Variants in PRR16 observed in about 807,000 individuals in gnomAD.
PRR16 encodes the protein proline rich 16.
Under a neutral mutation model 18.2 loss-of-function variants are expected in PRR16, and 6 were observed. The ratio of observed to expected loss-of-function variants is 0.33; its 90% CI spans 0.18 to 0.65. The LOEUF (loss-of-function observed/expected upper bound fraction) is 0.65. Among genes scored for constraint, PRR16 ranks in the 30% least tolerant of loss-of-function variants. The pLI is 0.74. For missense variants in PRR16, 412 were observed against 376.6 expected (o/e 1.09, Z -0.78); for synonymous variants, 151 against 147.8 (o/e 1.02, Z -0.16).
chr5:120,610,571 A>G (rs1260319961), intron 1 of PRR16, among the ~76,000 whole-genome samples: 1 of 151,990 alleles, frequency 6.6e-6, no homozygotes, highest in Non-Finnish European at 1.5e-5. Flanking sequence ...CTCTCACGAT[A>G]GTGAATAAGA....
At chr5:120,560,052 T>C (rs1183017750) in intron 1 of PRR16, among the ~76,000 whole-genome samples, 2 of 152,006 alleles carry the variant, frequency 1.3e-5, no homozygotes, top group Non-Finnish European at 2.9e-5. Flanking sequence ...CTTTAGGTTT[T>C]TCTAAATATA....
intron 1 of PRR16, among the ~76,000 whole-genome samples, chr5:120,685,025 G>T (rs1757078322): frequency 6.6e-6 from 1 of 152,082 alleles, no homozygotes; most frequent in Admixed American, 6.6e-5. Flanking sequence ...AGGGTCCTGG[G>T]CCCAGATAAT....
chr5:120,524,974 A>C (rs1343360616), intron 1 of PRR16, among the ~76,000 whole-genome samples: 3 of 152,068 alleles, frequency 2.0e-5, no homozygotes, highest in Non-Finnish European at 2.9e-5. Flanking sequence ...CTTATTTGTT[A>C]GTAAGGTCAT....
chr5:120,503,452 G>A (rs1246580080), intron 1 of PRR16, among the ~76,000 whole-genome samples: 1 of 152,132 alleles, frequency 6.6e-6, no homozygotes, highest in African/African-American at 2.4e-5. Flanking sequence ...CAGAGTTATT[G>A]CAGGGAAACC....
the PRR16 span, among the ~76,000 whole-genome samples, chr5:120,752,765 T>A: frequency 3.3e-5 from 5 of 151,926 alleles, no homozygotes; most frequent in African/African-American, 1.2e-4. Flanking sequence ...TTAGCTCAAG[T>A]AGGGAAAATA....
At chr5:120,473,979 A>G (rs569733539) in intron 1 of PRR16, among the ~76,000 whole-genome samples, 1 of 152,296 alleles carries the variant, frequency 6.6e-6, no homozygotes, top group African/African-American at 2.4e-5. Flanking sequence ...CAGTAAGGAA[A>G]TCTAGGGGAG....
At chr5:120,508,951 T>A (rs1269570454) in intron 1 of PRR16, among the ~76,000 whole-genome samples, 2 of 152,198 alleles carry the variant, frequency 1.3e-5, no homozygotes, top group Non-Finnish European at 2.9e-5. Flanking sequence ...CCTGTAACTT[T>A]TAGTTGGGTG....
chr5:120,591,646 T>G (rs1023585104), intron 1 of PRR16, among the ~76,000 whole-genome samples: 3 of 152,060 alleles, frequency 2.0e-5, no homozygotes, highest in African/African-American at 7.2e-5. Flanking sequence ...TGTTAGTTTA[T>G]TTTATTTTTT....
chr5:120,730,171 C>T, the PRR16 span, among the ~76,000 whole-genome samples: 2 of 152,084 alleles, frequency 1.3e-5, no homozygotes, highest in African/African-American at 2.4e-5. Context: ...TTAGCAGTGA[C>T]AATGGAGTAT....
At chr5:120,601,685 T>G (rs1753987131) in intron 1 of PRR16, among the ~76,000 whole-genome samples, 6 of 152,094 alleles carry the variant, frequency 3.9e-5, no homozygotes, top group Admixed American at 3.9e-4. Context: ...TTCTAGAATT[T>G]TTATAGTGTG....
the PRR16 span, among the ~76,000 whole-genome samples, chr5:120,741,598 GTGTTT>G: frequency 7.9e-5 from 12 of 152,018 alleles, no homozygotes; most frequent in South Asian, 8.3e-4. Flanking sequence ...TTTCTGTGGA[GTGTTT>G]TGTTTTGTTT....
At chr5:120,575,484 G>A (rs1753046836) in intron 1 of PRR16, among the ~76,000 whole-genome samples, 1 of 152,036 alleles carries the variant, frequency 6.6e-6, no homozygotes, top group Non-Finnish European at 1.5e-5. Flanking sequence ...TAATCCCAAG[G>A]ATGCAAAGTT....
the PRR16 span, among the ~76,000 whole-genome samples, chr5:120,739,738 C>G: frequency 6.6e-6 from 1 of 152,102 alleles, no homozygotes; most frequent in Non-Finnish European, 1.5e-5. Context: ...ATCATTAGCA[C>G]AAATTATCAA....
intron 1 of PRR16, among the ~76,000 whole-genome samples, chr5:120,568,701 A>G (rs1036509031): frequency 1.3e-5 from 2 of 152,146 alleles, no homozygotes; most frequent in African/African-American, 2.4e-5. Flanking sequence ...AGAATTACAC[A>G]TTCTTTGGTA....
chr5:120,747,861 C>T, the PRR16 span, among the ~76,000 whole-genome samples: 740 of 152,066 alleles, frequency 4.9e-3, 12 homozygotes, highest in African/African-American at 0.017. Flanking sequence ...GATTACTAGA[C>T]TTTATGTAAA....
chr5:120,484,470 G>A (rs1156888066), intron 1 of PRR16, among the ~76,000 whole-genome samples: 10 of 142,196 alleles, frequency 7.0e-5, no homozygotes, highest in Admixed American at 1.4e-4. Flanking sequence ...TCTAATATAT[G>A]TTTATATAAT....
At chr5:120,724,301 C>A in the PRR16 span, among the ~76,000 whole-genome samples, 1 of 152,126 alleles carries the variant, frequency 6.6e-6, no homozygotes, top group South Asian at 2.1e-4. Context: ...GACCTGCAGC[C>A]ACAGACCAAG....
intron 1 of PRR16, among the ~76,000 whole-genome samples, chr5:120,653,457 G>T (rs1171396757): frequency 6.6e-6 from 1 of 151,664 alleles, no homozygotes; most frequent in Non-Finnish European, 1.5e-5. Flanking sequence ...TGTTATATTG[G>T]TATATCTTTT....
chr5:120,594,039 A>T (rs1235366299), intron 1 of PRR16, among the ~76,000 whole-genome samples: 3 of 152,152 alleles, frequency 2.0e-5, no homozygotes, highest in African/African-American at 7.2e-5. Flanking sequence ...ACCCACAGCT[A>T]ACATCATACT....
Sources: allele counts gnomAD v4.1 joint callset (sites outside exome capture counted in the v4.1 genomes callset), GRCh38; gene constraint gnomAD v4.1.1; transcripts MANE v1.5; gene names NCBI Gene and HGNC (gene_info 2026-07-23, HGNC 2026-07-21).